Variants in ZFR observed in about 807,000 individuals in gnomAD.
ZFR encodes the protein zinc finger RNA binding protein.
A neutral mutation model predicts 130.7 loss-of-function variants in ZFR; 19 were observed. The ratio of observed to expected loss-of-function variants is 0.15; its 90% CI spans 0.10 to 0.21. The LOEUF is 0.21. Ranked by LOEUF, ZFR falls within the 10% of genes least tolerant of loss-of-function variation. The probability of loss-of-function intolerance (pLI) is 1.00; values close to 1 mark genes in which losing one functional copy is unlikely to be tolerated. For synonymous variants in ZFR, 466 were observed against 456.9 expected (o/e 1.02, Z -0.25); for missense variants, 872 against 1,321.5 (o/e 0.66, Z 5.27).
In ZFR at chr5:32,385,610, A is replaced by G. The variant is rs140176269; in HGVS notation, c.2539T>C (p.Ser847Pro). ...GAATTCAAAATTATTGCCGCTTCAG[A>G]TACAGCACATTTTATGTCATACTTC... The part of the protein sequence containing the change: ...PEKYDIKCAV[S>P]EAAIILNSCV... The change falls in exon 15 of 20, where the codon TCT (serine) becomes CCT (proline). Residue 847 changes from serine (S) to proline (P), a missense_variant. Transcript: ENST00000265069. 1.2e-6 allele frequency: 2 copies of G among 1,613,470 alleles called. No individual in the cohort carries two copies. The highest frequency in any genetic ancestry group is 2.2e-5 in the East Asian group (1 of 44,838).
chr5:32,436,500 T>C (rs1002989713), intron 2 of ZFR, among the ~76,000 whole-genome samples: 1 of 152,164 alleles, frequency 6.6e-6, no homozygotes, highest in African/African-American at 2.4e-5. Context: ...ACATGTCTAC[T>C]GAATGCTTGA....
At position 32,355,144 on chromosome 5, in the gene ZFR, TTTATA is replaced by T. The variant is rs1752277309; in HGVS notation, c.*611_*615del. On this transcript the variant is annotated 3_prime_UTR_variant, in exon 20 of 20. Transcript: ENST00000265069. ...AACAGAACTCTGTCTTAATTACACC[TTTATA>T]TATCACACTAGAGACAAATGCCACA... The T allele has an allele frequency of 6.6e-6, 1 of 152,212 alleles. No individual in the cohort carries two copies. Among genetic ancestry groups the T allele is most frequent in the Admixed American group, 6.5e-5 (1 of 15,284 alleles). The allele number at this position is 152,212 out of a possible 1,614,324, so 9.4% of individuals were successfully genotyped here. A position where few individuals can be genotyped will look rare whatever the true frequency, so the allele number is the denominator to read the frequency against.
Position 32,420,056 on chromosome 5 carries a change from G to C in ZFR, c.185C>G (p.Ala62Gly), listed in dbSNP as rs1234411201. ...TGGAGCCTGATGGACAGTGTAGCTA[G>C]CAACTGTAGTTGGATGAGAATAGGC... ...GVAYSHPTTV[A>G]SYTVHQAPVA... The change falls in exon 3 of 20, where the codon GCT becomes GGT. Residue 62 changes from alanine to glycine, a missense_variant. Ala to Gly is a moderately conservative substitution (Grantham distance 60). Transcript: ENST00000265069. 1 of 1,611,828 alleles carries C rather than the reference G, an allele frequency of 6.2e-7. No homozygotes were observed. The highest frequency in any genetic ancestry group is 1.3e-5 in the African/African-American group (1 of 74,874).
At chr5:32,425,388 A>T (rs1223907257) in intron 2 of ZFR, among the ~76,000 whole-genome samples, 5 of 145,556 alleles carry the variant, frequency 3.4e-5, no homozygotes, top group Non-Finnish European at 6.0e-5. Flanking sequence ...TTACTGCAAC[A>T]GTCTGAATGC....
intron 12 of ZFR, 96 bp downstream of exon 12, chr5:32,390,179 T>G: frequency 1.4e-6 from 2 of 1,432,186 alleles, no homozygotes; most frequent in South Asian, 2.8e-5. Flanking sequence ...GATTACAAGA[T>G]TATTAAGTCT....
chr5:32,378,232 A>C (rs921106649), intron 17 of ZFR, among the ~76,000 whole-genome samples: 1 of 152,196 alleles, frequency 6.6e-6, no homozygotes, highest in African/African-American at 2.4e-5. Flanking sequence ...TTTAATAGCA[A>C]AAGATTGTAA....
chr5:32,399,998 A>G lies in ZFR; in HGVS notation c.1713+9T>C. On this transcript the variant is annotated intron_variant, in intron 9 of 19. Transcript: ENST00000265069. The stretch of plus-strand genomic sequence containing the variant: ...AATTTCACAGCAATGGTATTCTCAA[A>G]TCAATTACCTCTTCCACATAATCAT... The G allele has an allele frequency of 1.9e-6, 3 of 1,590,888 alleles. No homozygotes were observed. Among genetic ancestry groups the G allele is most frequent in the East Asian group, 2.3e-5 (1 of 44,110 alleles).
intron 2 of ZFR, among the ~76,000 whole-genome samples, chr5:32,422,972 T>TCAA (rs1187180640): frequency 5.9e-5 from 9 of 151,816 alleles, no homozygotes; most frequent in Non-Finnish European, 1.3e-4. Flanking sequence ...TACCTACTTA[T>TCAA]CAACAACAAC....
intron 15 of ZFR, 111 bp downstream of exon 15, chr5:32,385,397 A>C (rs1753022979): frequency 2.2e-5 from 29 of 1,295,456 alleles, no homozygotes; most frequent in African/African-American, 3.0e-5. Context: ...AAATCTATCA[A>C]ATTCACGTGT....
chr5:32,398,715 C>A (rs1753373120), intron 9 of ZFR, among the ~76,000 whole-genome samples: 1 of 152,128 alleles, frequency 6.6e-6, no homozygotes, highest in Non-Finnish European at 1.5e-5. Context: ...GAGACAGAGT[C>A]TCACTCTATT....
chr5:32,364,886 A>T (rs1408465825), intron 17 of ZFR: 1 of 152,214 alleles, frequency 6.6e-6, no homozygotes, highest in East Asian at 1.9e-4. Flanking sequence ...AAACTGTACA[A>T]TTCAGTAGTT....
chr5:32,395,339 G>T, intron 10 of ZFR, 35 bp from the exon 11 acceptor site: 2 of 1,438,378 alleles, frequency 1.4e-6, no homozygotes, highest in East Asian at 2.6e-5. Flanking sequence ...AAAAACAGCA[G>T]CCCCAAAACA....
intron 2 of ZFR, among the ~76,000 whole-genome samples, chr5:32,430,566 A>C (rs181762095): frequency 6.6e-6 from 1 of 152,314 alleles, no homozygotes; most frequent in Admixed American, 6.5e-5. Flanking sequence ...GATTCCCTAA[A>C]ATTAATGAAA....
chr5:32,441,412 G>A (rs566965299), intron 2 of ZFR, among the ~76,000 whole-genome samples: 6 of 151,986 alleles, frequency 3.9e-5, no homozygotes, highest in East Asian at 1.9e-4. Flanking sequence ...GGACCGCTAC[G>A]TATACAAAAA....
At chr5:32,374,195 C>T (rs1405079321) in intron 17 of ZFR, among the ~76,000 whole-genome samples, 4 of 152,178 alleles carry the variant, frequency 2.6e-5, no homozygotes, top group Non-Finnish European at 4.4e-5. Context: ...ATGTACAATG[C>T]TTGTATTTCC....
intron 11 of ZFR, among the ~76,000 whole-genome samples, chr5:32,393,039 GCTCT>G (rs1753217683): frequency 3.3e-5 from 5 of 152,108 alleles, no homozygotes; most frequent in African/African-American, 9.7e-5. Flanking sequence ...ACACTTACTT[GCTCT>G]TTCATTCTAA....
chr5:32,361,857 G>A (rs1266960636), intron 19 of ZFR, among the ~76,000 whole-genome samples: 8 of 152,014 alleles, frequency 5.3e-5, no homozygotes, highest in Non-Finnish European at 1.2e-4. Context: ...CAGGTGGCCC[G>A]CCCGCCTTGA....
intron 17 of ZFR, among the ~76,000 whole-genome samples, chr5:32,378,141 T>A (rs577119298): frequency 6.6e-6 from 1 of 152,344 alleles, no homozygotes; most frequent in Non-Finnish European, 1.5e-5. Flanking sequence ...ACATGTTCTT[T>A]AACCTTGATA....
chr5:32,362,687 C>G (rs1752464504), intron 19 of ZFR, among the ~76,000 whole-genome samples: 2 of 152,182 alleles, frequency 1.3e-5, no homozygotes, highest in African/African-American at 4.8e-5. Context: ...AATCTGTTTT[C>G]CTCCTCATCC....
Sources: allele counts gnomAD v4.1 joint callset (sites outside exome capture counted in the v4.1 genomes callset), GRCh38; gene constraint gnomAD v4.1.1; transcripts MANE v1.5; gene names NCBI Gene and HGNC (gene_info 2026-07-23, HGNC 2026-07-21).